The following DAB1 variants were observed in gnomAD, a reference collection of about 807,000 sequenced individuals.
DAB1 encodes the protein DAB adaptor protein 1, also known as disabled homolog 1.
In DAB1, 15 loss-of-function variants were observed where a neutral mutation model predicts 64.6. The ratio of observed to expected loss-of-function variants is 0.23; its 90% CI spans 0.16 to 0.36. The LOEUF is 0.36. Ranked by LOEUF, DAB1 falls within the 10% of genes least tolerant of loss-of-function variation. The probability of loss-of-function intolerance (pLI) is 1.00; values close to 1 mark genes in which losing one functional copy is unlikely to be tolerated. For synonymous variants in DAB1, 235 were observed against 251.9 expected (o/e 0.93, Z 0.64); for missense variants, 596 against 706.7 (o/e 0.84, Z 1.78).
chr1:57,625,326 T>A (rs1392389530), intron 7 of DAB1, among the ~76,000 whole-genome samples: 1 of 152,148 alleles, frequency 6.6e-6, no homozygotes, highest in Non-Finnish European at 1.5e-5. Flanking sequence ...ATTTCCTCTC[T>A]CTGTTTGTTT....
intron 5 of DAB1, among the ~76,000 whole-genome samples, chr1:57,898,517 G>C (rs1644424812): frequency 6.6e-6 from 1 of 152,098 alleles, no homozygotes; most frequent in Non-Finnish European, 1.5e-5. Context: ...GTACACAACA[G>C]GCAACTTTTT....
At chr1:57,168,650 T>C (rs900874786) in intron 2 of DAB1, among the ~76,000 whole-genome samples, 10 of 152,204 alleles carry the variant, frequency 6.6e-5, no homozygotes, top group African/African-American at 2.4e-4. Context: ...ATAAATGTAG[T>C]TCCTCCCCAA....
At chr1:58,144,653 C>T (rs1228269861) in intron 5 of DAB1, among the ~76,000 whole-genome samples, 1 of 152,152 alleles carries the variant, frequency 6.6e-6, no homozygotes, top group Non-Finnish European at 1.5e-5. Context: ...ACATGTAAAC[C>T]CAAGCTCTGA....
chr1:58,511,303 G>A (rs1363519484), intron 2 of DAB1, among the ~76,000 whole-genome samples: 1 of 152,068 alleles, frequency 6.6e-6, no homozygotes. Context: ...AGAAGAGAGA[G>A]CCCAAAATTA....
At chr1:57,576,419 C>T (rs1645250474) in intron 7 of DAB1, among the ~76,000 whole-genome samples, 1 of 152,268 alleles carries the variant, frequency 6.6e-6, no homozygotes, top group East Asian at 1.9e-4. Flanking sequence ...GCCATTAATC[C>T]AATATGACTG....
intron 6 of DAB1, among the ~76,000 whole-genome samples, chr1:57,662,426 C>T (rs1646398568): frequency 6.6e-6 from 1 of 152,084 alleles, no homozygotes. Flanking sequence ...GAACTCCCGA[C>T]CTCAGGTGAT....
At chr1:57,295,367 T>C (rs1220769238) in intron 1 of DAB1, among the ~76,000 whole-genome samples, 1 of 152,174 alleles carries the variant, frequency 6.6e-6, no homozygotes, top group Admixed American at 6.5e-5. Flanking sequence ...AAACCAAGAC[T>C]TTGAGTTTGT....
intron 3 of DAB1, among the ~76,000 whole-genome samples, chr1:58,438,742 A>C (rs1169282173): frequency 2.0e-5 from 3 of 152,148 alleles, no homozygotes; most frequent in African/African-American, 7.2e-5. Context: ...AACACAGGAC[A>C]AAGTCTGGGA....
intron 2 of DAB1, 42 bp from the exon 3 acceptor site, chr1:57,145,471 A>G (rs1475023035): frequency 6.2e-7 from 1 of 1,603,256 alleles, no homozygotes. Context: ...AGCTGTGCAG[A>G]CCCCAGTGGC....
At chr1:58,282,063 T>G (rs908438855) in intron 4 of DAB1, among the ~76,000 whole-genome samples, 1 of 152,148 alleles carries the variant, frequency 6.6e-6, no homozygotes, top group African/African-American at 2.4e-5. Flanking sequence ...AGAGACTTAA[T>G]TCCTCCTAAT....
rs538889507 is a variant in DAB1, at chr1:57,625,513, A to C, written n.625+24079T>G. ...CCTGCTAAGAAAGTGGAAGTATTAC[A>C]CTGGCAATCAGCACCCACTCTGGCA... On this transcript the variant is annotated intron_variant and non_coding_transcript_variant, in intron 7 of 20. Coordinates refer to the DAB1 transcript ENST00000485760. Among the ~76,000 whole-genome samples, 28 of 152,274 alleles carry C rather than the reference A, an allele frequency of 1.8e-4. No homozygotes were observed. The South Asian group carries it at 5.8e-3, about 32-fold the overall frequency.
chr1:57,434,995 C>T (rs1234984310), intron 7 of DAB1, among the ~76,000 whole-genome samples: 4 of 150,096 alleles, frequency 2.7e-5, no homozygotes, highest in African/African-American at 9.8e-5. Context: ...TATATGCAGG[C>T]TACATTAAAT....
At chr1:57,760,575 A>G (rs1411189713) in intron 6 of DAB1, among the ~76,000 whole-genome samples, 1 of 149,870 alleles carries the variant, frequency 6.7e-6, no homozygotes, top group Non-Finnish European at 1.5e-5. Context: ...ACTCTTCTAC[A>G]TATAATTCTT....
chr1:58,529,020 A>G (rs2100469424), intron 1 of DAB1, among the ~76,000 whole-genome samples: 1 of 152,350 alleles, frequency 6.6e-6, no homozygotes, highest in African/African-American at 2.4e-5. Flanking sequence ...CTATAGATAG[A>G]TCAGGAAAAT....
At chr1:57,988,774 C>T (rs1366022644) in intron 5 of DAB1, among the ~76,000 whole-genome samples, 1 of 152,110 alleles carries the variant, frequency 6.6e-6, no homozygotes, top group African/African-American at 2.4e-5. Flanking sequence ...CCTTCCAATT[C>T]CTTAACAGCC....
chr1:57,528,480 T>G (rs1644619589), intron 7 of DAB1, among the ~76,000 whole-genome samples: 1 of 152,128 alleles, frequency 6.6e-6, no homozygotes, highest in South Asian at 2.1e-4. Flanking sequence ...TTTTGATGAC[T>G]TATTAGCTGA....
intron 1 of DAB1, among the ~76,000 whole-genome samples, chr1:57,410,358 T>G (rs1421085541): frequency 6.6e-6 from 1 of 152,236 alleles, no homozygotes; most frequent in Non-Finnish European, 1.5e-5. Flanking sequence ...ATAAAGGGCA[T>G]GAAAGATAGT....
chr1:58,330,882 A>G (rs149516341), intron 4 of DAB1, among the ~76,000 whole-genome samples: 25 of 152,336 alleles, frequency 1.6e-4, no homozygotes, highest in African/African-American at 6.0e-4. Flanking sequence ...GGAGATATAC[A>G]AAGAGATGAA....
chr1:58,379,835 G>A (rs552408399), intron 3 of DAB1, among the ~76,000 whole-genome samples: 1 of 152,290 alleles, frequency 6.6e-6, no homozygotes, highest in Admixed American at 6.5e-5. Context: ...GTCACAAATT[G>A]TCCCCCAGTA....
Sources: gnomAD v4.1 joint callset for allele counts (sites outside exome capture counted in the v4.1 genomes callset) on GRCh38, gnomAD v4.1.1 for gene constraint, MANE v1.5 for transcripts, NCBI Gene and HGNC (gene_info 2026-07-23, HGNC 2026-07-21) for gene names.